DLG2: variants seen among roughly 807,000 people sequenced by gnomAD.
DLG2 encodes the protein discs large MAGUK scaffold protein 2.
DLG2 carries 45 observed loss-of-function variants against 132.5 expected under a neutral mutation model. That is an observed-to-expected ratio of 0.34 (90% CI 0.27 to 0.44). The LOEUF is 0.44. DLG2 is among the 20% of genes least tolerant of loss of function. The pLI is 1.00. For missense variants in DLG2, 1,045 were observed against 1,196.9 expected, an observed-to-expected ratio of 0.87 and a Z score of 1.87; for synonymous variants, 424 against 419.6, an observed-to-expected ratio of 1.01 and a Z score of -0.13.
intron 18 of DLG2, among the ~76,000 whole-genome samples, chr11:83,747,463 G>C (rs1237077668): frequency 6.6e-6 from 1 of 151,844 alleles, no homozygotes; most frequent in African/African-American, 2.4e-5. Context: ...CGCCTCCCAG[G>C]CTCAAGCCAT....
At chr11:85,061,973 T>C (rs541271644) in intron 6 of DLG2, among the ~76,000 whole-genome samples, 1 of 151,830 alleles carries the variant, frequency 6.6e-6, no homozygotes, top group Non-Finnish European at 1.5e-5. Context: ...CATTTTACAC[T>C]CGCATGGCTC....
chr11:85,159,345 C>G (rs929188486), intron 4 of DLG2, among the ~76,000 whole-genome samples: 1 of 152,212 alleles, frequency 6.6e-6, no homozygotes, highest in Non-Finnish European at 1.5e-5. Context: ...CTGGCAGAAC[C>G]TCCACATTGG....
At chr11:85,456,643 T>C (rs2092432566) in intron 3 of DLG2, among the ~76,000 whole-genome samples, 1 of 152,216 alleles carries the variant, frequency 6.6e-6, no homozygotes, top group South Asian at 2.1e-4. Context: ...CTTAGCTGTG[T>C]CCCAGAGATT....
intron 8 of DLG2, among the ~76,000 whole-genome samples, chr11:84,169,466 C>G (rs368149987): frequency 1.7e-4 from 26 of 152,212 alleles, no homozygotes; most frequent in African/African-American, 6.0e-4. Context: ...TATATATCCA[C>G]TAAAAGGCTT....
At chr11:85,543,911 T>G (rs1433941075) in intron 3 of DLG2, among the ~76,000 whole-genome samples, 2 of 152,176 alleles carry the variant, frequency 1.3e-5, no homozygotes, top group East Asian at 3.9e-4. Context: ...ATGGATAGAT[T>G]GCAAAAATTT....
At chr11:84,992,121 C>T (rs1400917615) in intron 6 of DLG2, among the ~76,000 whole-genome samples, 1 of 152,150 alleles carries the variant, frequency 6.6e-6, no homozygotes, top group Non-Finnish European at 1.5e-5. Context: ...ACCATCACTT[C>T]ATGTAGTTAA....
chr11:84,500,911 G>A (rs77961215), intron 7 of DLG2, among the ~76,000 whole-genome samples: 4,464 of 152,056 alleles, frequency 0.029, 226 homozygotes, highest in African/African-American at 0.1. Flanking sequence ...ATTTTATATG[G>A]CAATTCACAA....
chr11:85,333,128 G>T (rs1448774516), intron 3 of DLG2, among the ~76,000 whole-genome samples: 1 of 151,800 alleles, frequency 6.6e-6, no homozygotes, highest in African/African-American at 2.4e-5. Context: ...AATTCTTTCA[G>T]CAAGTGTTCT....
chr11:85,102,312 G>T (rs1475618576), intron 6 of DLG2, among the ~76,000 whole-genome samples: 1 of 151,980 alleles, frequency 6.6e-6, no homozygotes, highest in Admixed American at 6.6e-5. Context: ...AACAAGGTAA[G>T]AATATGTTCC....
chr11:84,149,144 A>G (rs918558351), intron 9 of DLG2, among the ~76,000 whole-genome samples: 1 of 152,122 alleles, frequency 6.6e-6, no homozygotes, highest in Admixed American at 6.5e-5. Flanking sequence ...TATAGTTTGC[A>G]GATTTTTCTC....
chr11:85,421,779 T>A (rs1448809352), intron 3 of DLG2, among the ~76,000 whole-genome samples: 1 of 152,152 alleles, frequency 6.6e-6, no homozygotes, highest in Non-Finnish European at 1.5e-5. Flanking sequence ...GTTTTCTTGG[T>A]CCTCTGAGAT....
At chr11:84,176,918 C>CCTTTT (rs1158174055) in intron 8 of DLG2, among the ~76,000 whole-genome samples, 41 of 151,868 alleles carry the variant, frequency 2.7e-4, no homozygotes, top group South Asian at 1.0e-3. Context: ...CCCTTCCTTT[C>CCTTTT]CTTTTCTTTT....
At chr11:85,593,976 C>G (rs1011001233) in intron 3 of DLG2, among the ~76,000 whole-genome samples, 1 of 151,800 alleles carries the variant, frequency 6.6e-6, no homozygotes, top group Admixed American at 6.6e-5. Flanking sequence ...GCACAATGTC[C>G]AACACATAAC....
chr11:84,301,518 G>T (rs1262272225), intron 7 of DLG2, among the ~76,000 whole-genome samples: 1 of 151,962 alleles, frequency 6.6e-6, no homozygotes, highest in East Asian at 1.9e-4. Flanking sequence ...AAATTAGCCA[G>T]GCCTGGTGGC....
chr11:84,914,308 A>T lies in DLG2; in HGVS notation c.357+197353T>A, dbSNP rs542599289. 1.1e-4 allele frequency among the ~76,000 whole-genome samples: 17 copies of T among 152,314 alleles called. No homozygotes were observed. In the South Asian group the frequency reaches 3.5e-3, roughly 32 times the overall value. The stretch of plus-strand genomic sequence containing the variant: ...TAAGGCCAGACCCTCCCATGGTCAA[A>T]TGACTTTTTATTTTATTGTCTACTT... On this transcript the variant is annotated intron_variant, in intron 6 of 27. Coordinates refer to ENST00000376104, the MANE Select transcript of DLG2 (RefSeq NM_001142699.3).
At chr11:84,729,045 A>T (rs538673737) in intron 6 of DLG2, among the ~76,000 whole-genome samples, 1 of 152,098 alleles carries the variant, frequency 6.6e-6, no homozygotes, top group African/African-American at 2.4e-5. Context: ...CAGCTCCTGG[A>T]TTCATTGATT....
chr11:83,955,570 T>C (rs2086629243), intron 14 of DLG2, among the ~76,000 whole-genome samples: 1 of 152,218 alleles, frequency 6.6e-6, no homozygotes, highest in African/African-American at 2.4e-5. Flanking sequence ...TTCTGGATAA[T>C]GCCTTTTTAC....
At chr11:84,411,121 C>T (rs1321424698) in intron 7 of DLG2, among the ~76,000 whole-genome samples, 2 of 152,104 alleles carry the variant, frequency 1.3e-5, no homozygotes, top group Non-Finnish European at 2.9e-5. Context: ...TAGAATTTCA[C>T]CATGTGGAAA....
At chr11:85,009,676 A>C (rs1289701613) in intron 6 of DLG2, among the ~76,000 whole-genome samples, 1 of 152,132 alleles carries the variant, frequency 6.6e-6, no homozygotes, top group Non-Finnish European at 1.5e-5. Flanking sequence ...TACTTATTGG[A>C]TGTATATCAA....
Sources: allele counts gnomAD v4.1 joint callset (sites outside exome capture counted in the v4.1 genomes callset), GRCh38; gene constraint gnomAD v4.1.1; transcripts MANE v1.5; gene names NCBI Gene and HGNC (gene_info 2026-07-23, HGNC 2026-07-21).